ADCY5: variants seen among roughly 807,000 people sequenced by gnomAD.
ADCY5 encodes adenylate cyclase 5.
Under a neutral mutation model 119.7 loss-of-function variants are expected in ADCY5, and 30 were observed. That is an observed-to-expected ratio of 0.25 (90% CI 0.19 to 0.34). ADCY5 has a LOEUF of 0.34. Among genes scored for constraint, ADCY5 ranks in the 10% least tolerant of loss-of-function variants. The pLI is 1.00. For synonymous variants in ADCY5, 753 were observed against 762.2 expected (o/e 0.99, Z 0.20); for missense variants, 1,324 against 1,775.2 (o/e 0.75, Z 4.57).
At chr3:123,377,929 C>A (rs1443216459) in intron 1 of ADCY5, among the ~76,000 whole-genome samples, 205 of 84,520 alleles carry the variant, frequency 2.4e-3, no homozygotes, top group African/African-American at 3.3e-3. Flanking sequence ...GACTCCATCT[C>A]AAAAAAAAAA....
At chr3:123,319,886 C>G in intron 9 of ADCY5, 68 bp from the exon 10 acceptor site, 2 of 1,576,626 alleles carry the variant, frequency 1.3e-6, no homozygotes, top group Non-Finnish European at 1.7e-6. Flanking sequence ...GCTGGCTCTT[C>G]CGACCATCCC....
intron 16 of ADCY5, among the ~76,000 whole-genome samples, chr3:123,296,734 A>G (rs754569786): frequency 6.6e-6 from 1 of 152,242 alleles, no homozygotes; most frequent in African/African-American, 2.4e-5. Flanking sequence ...AGATATTATA[A>G]ACAAAATGCT....
At chr3:123,396,902 G>A (rs1944613702) in intron 1 of ADCY5, among the ~76,000 whole-genome samples, 1 of 151,610 alleles carries the variant, frequency 6.6e-6, no homozygotes. Context: ...TAGCACACAG[G>A]GGCATGCACG....
intron 3 of ADCY5, among the ~76,000 whole-genome samples, chr3:123,345,283 C>T (rs1055493305): frequency 2.6e-5 from 4 of 152,212 alleles, no homozygotes; most frequent in East Asian, 1.9e-4. Flanking sequence ...AGAACTGGGC[C>T]GAGGCGCAGG....
chr3:123,403,368 G>A (rs1410141786), intron 1 of ADCY5, among the ~76,000 whole-genome samples: 3 of 139,632 alleles, frequency 2.1e-5, no homozygotes, highest in African/African-American at 8.2e-5. Context: ...GCAACAGAGC[G>A]AGACCCTGTC....
At chr3:123,423,190 C>T (rs1468825420) in intron 1 of ADCY5, among the ~76,000 whole-genome samples, 1 of 152,122 alleles carries the variant, frequency 6.6e-6, no homozygotes, top group African/African-American at 2.4e-5. Context: ...CCATCCCACA[C>T]TCACATCCGC....
chr3:123,395,979 G>GGAAAGAAAGAAAGAGAAAGAAAGAAAGA (rs533201747), intron 1 of ADCY5, among the ~76,000 whole-genome samples: 1 of 111,144 alleles, frequency 9.0e-6, no homozygotes, highest in African/African-American at 3.4e-5. Context: ...AAGAAAGGAA[G>GGAAAGAAAGAAAGAGAAAGAAAGAAAGA]GAAAGAAAGA....
chr3:123,354,671 GGAGT>G (rs1942976453), intron 1 of ADCY5, among the ~76,000 whole-genome samples: 1 of 152,134 alleles, frequency 6.6e-6, no homozygotes, highest in Non-Finnish European at 1.5e-5. Context: ...GATAAAAACA[GGAGT>G]GAGACAGGAG....
chr3:123,399,199 AG>A, intron 1 of ADCY5, among the ~76,000 whole-genome samples: 1 of 152,384 alleles, frequency 6.6e-6, no homozygotes, highest in South Asian at 2.1e-4. Context: ...TGTGAACAAA[AG>A]ATGTAAAGTC....
chr3:123,341,824 A>G (rs1021040951), intron 3 of ADCY5, among the ~76,000 whole-genome samples: 1 of 152,144 alleles, frequency 6.6e-6, no homozygotes, highest in Non-Finnish European at 1.5e-5. Context: ...TCATACTGGC[A>G]GGCTGTATAT....
At chr3:123,376,947 T>G (rs1344080904) in intron 1 of ADCY5, among the ~76,000 whole-genome samples, 1 of 152,196 alleles carries the variant, frequency 6.6e-6, no homozygotes, top group African/African-American at 2.4e-5. Context: ...CTCTGGTGTT[T>G]GGAGTGCTTT....
chr3:123,390,080 C>T (rs1944359793), intron 1 of ADCY5, among the ~76,000 whole-genome samples: 4 of 152,170 alleles, frequency 2.6e-5, no homozygotes, highest in South Asian at 2.1e-4. Context: ...ACTGCCAATC[C>T]CTGAGCCATC....
rs1253058290 is a variant in ADCY5 at position 123,350,414 on chromosome 3, A to G, written c.1284+2018T>C. Among the ~76,000 whole-genome samples the G allele has an allele frequency of 5.9e-5, 9 of 152,252 alleles. No homozygotes were observed. In the East Asian group the frequency reaches 1.7e-3, roughly 29 times the overall value. ...ACACGACCACCAAAGGCCAACTCTC[A>G]GTAAATAGTTACTGGTGATAGAAAT... On this transcript the variant is annotated intron_variant, in intron 2 of 20. Coordinates refer to ENST00000462833, the MANE Select transcript of ADCY5 (RefSeq NM_183357.3).
At chr3:123,287,419 C>T (rs1399003165) in intron 19 of ADCY5, among the ~76,000 whole-genome samples, 1 of 152,220 alleles carries the variant, frequency 6.6e-6, no homozygotes, top group Non-Finnish European at 1.5e-5. Flanking sequence ...CTCCTCCTCC[C>T]CAGGCTAAAT....
chr3:123,359,939 G>A (rs1943188966), intron 1 of ADCY5, among the ~76,000 whole-genome samples: 1 of 151,996 alleles, frequency 6.6e-6, no homozygotes, highest in South Asian at 2.1e-4. Context: ...GAACCTCAGT[G>A]GAACCCCATT....
At chr3:123,409,255 C>T (rs1203177919) in intron 1 of ADCY5, among the ~76,000 whole-genome samples, 20 of 152,190 alleles carry the variant, frequency 1.3e-4, no homozygotes, top group Non-Finnish European at 2.6e-4. Context: ...ATCCACTCAA[C>T]ACCTAGTTCC....
At chr3:123,312,866 C>T (rs756597639) in intron 12 of ADCY5, among the ~76,000 whole-genome samples, 5 of 152,056 alleles carry the variant, frequency 3.3e-5, no homozygotes, top group African/African-American at 4.8e-5. Context: ...TTCATAGCCA[C>T]GGGATGAAGA....
At chr3:123,357,104 C>A (rs879438336) in intron 1 of ADCY5, among the ~76,000 whole-genome samples, 30 of 152,002 alleles carry the variant, frequency 2.0e-4, no homozygotes, top group Non-Finnish European at 2.2e-4. Flanking sequence ...AGGGGCAGCA[C>A]AAGGAAACCT....
chr3:123,423,306 C>T (rs930920227), intron 1 of ADCY5, among the ~76,000 whole-genome samples: 2 of 152,228 alleles, frequency 1.3e-5, no homozygotes, highest in Non-Finnish European at 2.9e-5. Context: ...AACCCATCCC[C>T]GCCCCACCCC....
Sources: allele counts gnomAD v4.1 joint callset (sites outside exome capture counted in the v4.1 genomes callset), GRCh38; gene constraint gnomAD v4.1.1; transcripts MANE v1.5; gene names NCBI Gene and HGNC (gene_info 2026-07-23, HGNC 2026-07-21).